The following ATP13A4 variants were observed in gnomAD, a reference collection of about 807,000 sequenced individuals.
The protein encoded by ATP13A4 is ATPase 13A4.
ATP13A4 carries 114 observed loss-of-function variants against 142.5 expected under a neutral mutation model. The observed-to-expected ratio is 0.80, with a 90% CI of 0.69 to 0.93. ATP13A4 has a LOEUF of 0.93. Ranked by LOEUF, ATP13A4 falls within the 40% of genes least tolerant of loss-of-function variation. The pLI, the probability that ATP13A4 is intolerant of heterozygous loss-of-function variation, is 0.00. For missense variants in ATP13A4, 1,392 were observed against 1,454.0 expected (o/e 0.96, Z 0.69); for synonymous variants, 488 against 514.8 (o/e 0.95, Z 0.70).
chr3:193,413,323 C>T (rs1401436381), intron 26 of ATP13A4, among the ~76,000 whole-genome samples: 1 of 152,080 alleles, frequency 6.6e-6, no homozygotes, highest in East Asian at 1.9e-4. Context: ...ATGTACGTCA[C>T]CTCAGGACCA....
chr3:193,489,047 T>A lies in ATP13A4; in HGVS notation c.738+683A>T, dbSNP rs530795513. 5.9e-5 allele frequency among the ~76,000 whole-genome samples: 9 copies of A among 152,260 alleles called. No individual in the cohort carries two copies. In the South Asian group the frequency reaches 1.9e-3, roughly 32 times the overall value. Reference sequence around the variant, plus strand: ...AATTTTCTGTCTTATGGCTTCCATCTTTTTTTGTGAAATAGTGATATCTGC... The same window carrying A: ...AATTTTCTGTCTTATGGCTTCCATCATTTTTTGTGAAATAGTGATATCTGC... On this transcript the variant is annotated intron_variant, in intron 7 of 29. Coordinates refer to ENST00000342695, the MANE Select transcript of ATP13A4 (RefSeq NM_032279.4).
intron 1 of ATP13A4, among the ~76,000 whole-genome samples, chr3:193,515,919 T>C (rs1217737966): frequency 6.6e-6 from 1 of 152,204 alleles, no homozygotes; most frequent in African/African-American, 2.4e-5. Context: ...GGGCGTGTGA[T>C]TTTTCAGTAC....
Position 193,420,840 on chromosome 3 carries a change from G to A in ATP13A4, c.2843-6090C>T, listed in dbSNP as rs554905795. On this transcript the variant is annotated intron_variant, in intron 25 of 29. Coordinates refer to ENST00000342695, the MANE Select transcript of ATP13A4 (RefSeq NM_032279.4). The stretch of plus-strand genomic sequence containing the variant: ...AAAGAATCTCTGAATTTGGAGCTAG[G>A]TCTTTTGAAATTACCCAGTCAGAGG... Among the ~76,000 whole-genome samples, 13 of 149,254 alleles carry A rather than the reference G, an allele frequency of 8.7e-5. 1 individual carries two copies. The highest frequency in any genetic ancestry group is 1.6e-4 in the Non-Finnish European group (11 of 67,710).
intron 14 of ATP13A4, 109 bp from the exon 15 acceptor site, chr3:193,457,574 T>C: frequency 1.0e-6 from 1 of 993,720 alleles, no homozygotes; most frequent in East Asian, 2.5e-5. Context: ...CTCAATGTGT[T>C]TTCCGTGTCT....
Position 193,400,859 on chromosome 3 carries a change from G to A in ATP13A4, c.*1793C>T, listed in dbSNP as rs1714238008. Among the ~76,000 whole-genome samples, 1 of 152,148 alleles carries A rather than the reference G, an allele frequency of 6.6e-6. No individual in the cohort carries two copies. The highest frequency in any genetic ancestry group is 6.5e-5 in the Admixed American group (1 of 15,276). On this transcript the variant is annotated 3_prime_UTR_variant, in exon 30 of 30. Coordinates refer to ENST00000342695, the MANE Select transcript of ATP13A4 (RefSeq NM_032279.4). ...CCCTGCCTACAACCCTCTACTTTTG[G>A]AAAATGAGAAACACTTTTAGAGAAG...
chr3:193,444,986 C>G (rs539643150), intron 18 of ATP13A4, among the ~76,000 whole-genome samples: 1 of 152,334 alleles, frequency 6.6e-6, no homozygotes, highest in Non-Finnish European at 1.5e-5. Flanking sequence ...TCGGGATAAA[C>G]AGCCCAGGCC....
At position 193,399,737 on chromosome 3, in the gene ATP13A4, T is replaced by C. The variant is rs1714203245; in HGVS notation, c.*2915A>G. Among the ~76,000 whole-genome samples the C allele has an allele frequency of 1.4e-5, 2 of 146,536 alleles. No individual in the cohort carries two copies. Among genetic ancestry groups the C allele is most frequent in the Admixed American group, 7.0e-5 (1 of 14,200 alleles). On this transcript the variant is annotated 3_prime_UTR_variant, in exon 30 of 30. Transcript: ENST00000342695. The stretch of plus-strand genomic sequence containing the variant: ...GTGGCAGACCTGTAGTCCCAGCTAC[T>C]TGGGAGGCTGAGGCAGGAGAATGGT...
chr3:193,531,313 A>AGGGAG (rs1474577707), intron 1 of ATP13A4, among the ~76,000 whole-genome samples: 8 of 89,020 alleles, frequency 9.0e-5, no homozygotes, highest in African/African-American at 1.2e-4. Flanking sequence ...GAAGGAAGGA[A>AGGGAG]GGAAGGAAGG....
intron 2 of ATP13A4, among the ~76,000 whole-genome samples, chr3:193,568,226 G>T (rs1425300119): frequency 6.6e-6 from 1 of 152,130 alleles, no homozygotes; most frequent in Non-Finnish European, 1.5e-5. Flanking sequence ...CTCCCAAAGT[G>T]CTGGGATTAC....
intron 2 of ATP13A4, among the ~76,000 whole-genome samples, chr3:193,510,504 G>A (rs1418840708): frequency 6.6e-6 from 1 of 152,150 alleles, no homozygotes; most frequent in African/African-American, 2.4e-5. Context: ...TCAAAACAAT[G>A]CATATAAATC....
Position 193,424,646 on chromosome 3 carries a change from A to G in ATP13A4, c.2842+9199T>C, listed in dbSNP as rs542132661. Among the ~76,000 whole-genome samples, 3 of 149,808 alleles carry G rather than the reference A, an allele frequency of 2.0e-5. No individual in the cohort carries two copies. The South Asian group carries it at 6.3e-4, about 31-fold the overall frequency. ...ATGCAGAAGAATGAACTAGACCCCT[A>G]TCTCTCACCAAATAAGAAAATTAAC... On this transcript the variant is annotated intron_variant, in intron 25 of 29. Coordinates refer to ENST00000342695, the MANE Select transcript of ATP13A4 (RefSeq NM_032279.4).
intron 9 of ATP13A4, among the ~76,000 whole-genome samples, chr3:193,470,447 T>C (rs1244890574): frequency 6.6e-6 from 1 of 152,154 alleles, no homozygotes; most frequent in African/African-American, 2.4e-5. Context: ...CCCCTGTGGG[T>C]TTCAGGATGT....
At chr3:193,499,800 G>A (rs561326638) in intron 3 of ATP13A4, among the ~76,000 whole-genome samples, 1 of 152,276 alleles carries the variant, frequency 6.6e-6, no homozygotes, top group Admixed American at 6.5e-5. Flanking sequence ...TTATCAAGAG[G>A]CAGAAACCAC....
At chr3:193,527,973 G>C (rs1560259103) in intron 1 of ATP13A4, among the ~76,000 whole-genome samples, 1 of 152,162 alleles carries the variant, frequency 6.6e-6, no homozygotes, top group Non-Finnish European at 1.5e-5. Context: ...GTGACAGCTT[G>C]CAACCCCCTT....
intron 13 of ATP13A4, among the ~76,000 whole-genome samples, chr3:193,462,458 C>G (rs529641527): frequency 4.1e-4 from 62 of 152,238 alleles, no homozygotes; most frequent in Non-Finnish European, 7.4e-4. Context: ...GTCTAAATTA[C>G]TTATACTGCG....
At chr3:193,408,888 C>T (rs902577461) in intron 28 of ATP13A4, among the ~76,000 whole-genome samples, 9 of 152,298 alleles carry the variant, frequency 5.9e-5, no homozygotes, top group African/African-American at 2.2e-4. Flanking sequence ...CGAGAATTTC[C>T]TCCAGCAAAT....
intron 8 of ATP13A4, among the ~76,000 whole-genome samples, chr3:193,476,758 G>C (rs181340660): frequency 6.6e-6 from 1 of 152,086 alleles, no homozygotes; most frequent in East Asian, 1.9e-4. Flanking sequence ...GTCACAGGGA[G>C]TAGGGAGGCC....
At chr3:193,413,648 G>C (rs1714894104) in intron 26 of ATP13A4, among the ~76,000 whole-genome samples, 1 of 152,158 alleles carries the variant, frequency 6.6e-6, no homozygotes, top group African/African-American at 2.4e-5. Flanking sequence ...TGTCTTATGT[G>C]GTTGAGATAA....
intron 1 of ATP13A4, among the ~76,000 whole-genome samples, chr3:193,546,303 C>T (rs943762379): frequency 2.0e-5 from 3 of 152,134 alleles, no homozygotes; most frequent in Non-Finnish European, 2.9e-5. Flanking sequence ...CTCATGATTT[C>T]CTTACCACTC....
Sources: gnomAD v4.1 joint callset for allele counts (sites outside exome capture counted in the v4.1 genomes callset) on GRCh38, gnomAD v4.1.1 for gene constraint, MANE v1.5 for transcripts, NCBI Gene and HGNC (gene_info 2026-07-23, HGNC 2026-07-21) for gene names.